PLAA: variants seen among roughly 807,000 people sequenced by gnomAD.
PLAA encodes the protein phospholipase A-2-activating protein.
Under a neutral mutation model 84.1 loss-of-function variants are expected in PLAA, and 48 were observed. The ratio of observed to expected loss-of-function variants is 0.57; its 90% CI spans 0.45 to 0.73. PLAA has a LOEUF of 0.73. PLAA is among the 30% of genes least tolerant of loss of function. PLAA has a pLI of 0.00. For missense variants in PLAA, 903 were observed against 954.7 expected, an observed-to-expected ratio of 0.95 and a Z score of 0.71; for synonymous variants, 392 against 336.6, an observed-to-expected ratio of 1.16 and a Z score of -1.80.
At chr9:26,942,417 G>T (rs1825569348) in intron 1 of PLAA, among the ~76,000 whole-genome samples, 1 of 152,186 alleles carries the variant, frequency 6.6e-6, no homozygotes, top group Non-Finnish European at 1.5e-5. Context: ...GTATCTAAAG[G>T]CCTTAAGAGG....
chr9:26,906,466 T>G (rs141319260), intron 13 of PLAA, among the ~76,000 whole-genome samples: 1 of 148,960 alleles, frequency 6.7e-6, no homozygotes, highest in African/African-American at 2.5e-5. Context: ...TCACTCCTGT[T>G]GCCCAGGCTG....
rs184183221 is a variant in PLAA at position 26,913,479 on chromosome 9, G to C, written c.1555+400C>G. Among the ~76,000 whole-genome samples the C allele has an allele frequency of 4.4e-4, 67 of 152,290 alleles. No homozygotes were observed. In the East Asian group the frequency reaches 0.012, roughly 26 times the overall value. On this transcript the variant is annotated intron_variant, in intron 11 of 13. Transcript: ENST00000397292. ...GTGAATAACATTCTCAACACATTAA[G>C]AATGAAGAGATGAGAATAAACACAG...
In PLAA at chr9:26,906,786, G is replaced by A. The variant is rs150487719; in HGVS notation, c.1823-710C>T. Among the ~76,000 whole-genome samples, 1,332 of 152,130 alleles carry A rather than the reference G, an allele frequency of 8.8e-3. 16 individuals carry two copies. Among genetic ancestry groups the A allele is most frequent in the African/African-American group, 0.03 (1,254 of 41,496 alleles). On this transcript the variant is annotated intron_variant, in intron 13 of 13. Coordinates refer to ENST00000397292, the MANE Select transcript of PLAA (RefSeq NM_001031689.3). Reference sequence around the variant, plus strand: ...AGTGATAGGATGCTTATAGGTTGGTGGGAGCTTTATAATCAAGGGCCTGGG... The same window carrying A: ...AGTGATAGGATGCTTATAGGTTGGTAGGAGCTTTATAATCAAGGGCCTGGG...
In PLAA at chr9:26,920,382, T is replaced by C. The variant is rs1406166675; in HGVS notation, c.1042A>G (p.Thr348Ala). The change falls in exon 8 of 14, where the codon ACT becomes GCT. Residue 348 changes from threonine to alanine, a missense_variant and splice_region_variant. Physicochemically the swap from Thr to Ala is moderately conservative, Grantham distance 58. Coordinates refer to ENST00000397292, the MANE Select transcript of PLAA (RefSeq NM_001031689.3). ...PGREHLNEPG[T>A]REGQTRLIRD... ...ATTAGACGAGTCTGTCCTTCTCTAG[T>C]ACCTTAAAATAAAAATTTTAAGAAT... 4 of 1,575,004 alleles carry C rather than the reference T, an allele frequency of 2.5e-6. No individual in the cohort carries two copies. Among genetic ancestry groups the C allele is most frequent in the Admixed American group, 1.8e-5 (1 of 55,010 alleles).
At chr9:26,935,269 T>A (rs1825323365) in intron 1 of PLAA, 63 bp from the exon 2 acceptor site, 1 of 1,034,458 alleles carries the variant, frequency 9.7e-7, no homozygotes, top group Non-Finnish European at 1.4e-6. Flanking sequence ...GGACATAAAC[T>A]GTCAAAGCAC....
intron 13 of PLAA, among the ~76,000 whole-genome samples, chr9:26,906,521 G>A (rs540879140): frequency 1.4e-4 from 20 of 146,324 alleles, no homozygotes; most frequent in Non-Finnish European, 2.2e-4. Context: ...TCCACCTCCC[G>A]GGTTCAAGCA....
rs1223416521 is a variant in PLAA, at chr9:26,913,951, C to T, written c.1487-4G>A. ...CCTGGTACATAACGACCAGCACCTA[C>T]AATACAATAATACTCCTAGTAAGCA... On this transcript the variant is annotated splice_region_variant and splice_polypyrimidine_tract_variant and intron_variant, in intron 10 of 13. Transcript: ENST00000397292. 1.2e-6 allele frequency: 2 copies of T among 1,603,800 alleles called. No homozygotes were observed. Among genetic ancestry groups the T allele is most frequent in the Non-Finnish European group, 1.7e-6 (2 of 1,171,100 alleles).
At chr9:26,920,524 A>C in intron 7 of PLAA, 140 bp from the exon 8 acceptor site, 1 of 550,486 alleles carries the variant, frequency 1.8e-6, no homozygotes, top group South Asian at 3.8e-5. Context: ...ATCAAATAAA[A>C]GATTTAAAAA....
At chr9:26,939,337 G>A (rs371506919) in intron 1 of PLAA, among the ~76,000 whole-genome samples, 3 of 151,838 alleles carry the variant, frequency 2.0e-5, no homozygotes, top group Non-Finnish European at 4.4e-5. Context: ...GCAGTGAGCC[G>A]AGATTGCGCC....
chr9:26,944,588 A>AT (rs1267931429), intron 1 of PLAA, among the ~76,000 whole-genome samples: 1 of 151,200 alleles, frequency 6.6e-6, no homozygotes, highest in Non-Finnish European at 1.5e-5. Context: ...GCTGATGAGC[A>AT]TTTTTAAAAA....
chr9:26,947,220 G>A lies in PLAA; in HGVS notation c.-175C>T. ...GCGGCTGGGAAGGGGCGCGCCGAGC[G>A]GGCCGAGTGACACAGCAAGCCTGAC... On this transcript the variant is annotated 5_prime_UTR_variant, in exon 1 of 14. Coordinates refer to ENST00000397292, the MANE Select transcript of PLAA (RefSeq NM_001031689.3). 1 of 679,908 alleles carries A rather than the reference G, an allele frequency of 1.5e-6. No individual in the cohort carries two copies. Among genetic ancestry groups the A allele is most frequent in the Admixed American group, 3.4e-5 (1 of 29,126 alleles). The allele number at this position is 679,908 out of a possible 1,614,324, so 42.1% of individuals were successfully genotyped here.
intron 10 of PLAA, among the ~76,000 whole-genome samples, chr9:26,915,319 T>C (rs16910881): frequency 0.013 from 1,942 of 152,222 alleles, 38 homozygotes; most frequent in African/African-American, 0.044. Context: ...AACCTCCTCA[T>C]TAATCTAGTG....
intron 1 of PLAA, among the ~76,000 whole-genome samples, chr9:26,940,901 CCAGAGGAAGT>C (rs1825513750): frequency 6.6e-6 from 1 of 151,748 alleles, no homozygotes; most frequent in Admixed American, 6.6e-5. Context: ...ATCAATAAGC[CCAGAGGAAGT>C]CAAAAGATAG....
chr9:26,934,898 C>G (rs62544451), intron 2 of PLAA, 115 bp downstream of exon 2: 92,040 of 760,506 alleles, frequency 0.12, 6,333 homozygotes, highest in Middle Eastern at 0.23. Context: ...ATTACCAAAC[C>G]ACAGATATAG....
In PLAA at chr9:26,905,816, T is replaced by C. The variant is rs1824214507; in HGVS notation, c.2083A>G (p.Asn695Asp). 5.0e-6 allele frequency: 8 copies of C among 1,614,246 alleles called. No individual in the cohort carries two copies. Among genetic ancestry groups the C allele is most frequent in the Non-Finnish European group, 6.8e-6 (8 of 1,180,044 alleles). ...SHAIELKSGS[N>D]KNIHIALATL... is the part of the protein sequence containing the mutation. ...GCCAGAGCAATGTGAATGTTCTTAT[T>C]GCTCCCTGATTTCAGTTCTATTGCA... Residue 695 changes from asparagine to aspartate, a missense_variant, in exon 14 of 14, where the codon AAT (asparagine) becomes GAT (aspartate). Asn to Asp is a conservative substitution (Grantham distance 23). Coordinates refer to ENST00000397292, the MANE Select transcript of PLAA (RefSeq NM_001031689.3).
chr9:26,906,980 T>TA (rs972011781), intron 13 of PLAA, among the ~76,000 whole-genome samples: 1 of 115,638 alleles, frequency 8.6e-6, no homozygotes, highest in African/African-American at 3.4e-5. Context: ...CCACTAGCAA[T>TA]AAATACAGAG....
intron 1 of PLAA, among the ~76,000 whole-genome samples, chr9:26,942,775 G>C (rs1006153689): frequency 2.0e-5 from 3 of 151,820 alleles, no homozygotes; most frequent in Non-Finnish European, 2.9e-5. Context: ...CCAGCTACTC[G>C]GGAGGCTAAG....
intron 11 of PLAA, 95 bp downstream of exon 11, chr9:26,913,780 TCAAG>T: frequency 1.2e-6 from 1 of 828,456 alleles, no homozygotes; most frequent in Non-Finnish European, 1.9e-6. Context: ...TAAAAAGTTC[TCAAG>T]CAAGAAAATG....
chr9:26,916,624 G>A, intron 10 of PLAA: 1 of 989,342 alleles, frequency 1.0e-6, no homozygotes, highest in Non-Finnish European at 1.2e-6. Context: ...GGCTCACATG[G>A]CTCCTTCTCT....
Sources: gnomAD v4.1 joint callset for allele counts (sites outside exome capture counted in the v4.1 genomes callset) on GRCh38, gnomAD v4.1.1 for gene constraint, MANE v1.5 for transcripts, NCBI Gene and HGNC (gene_info 2026-07-23, HGNC 2026-07-21) for gene names.